Variants in PLEKHH1 observed in about 807,000 individuals in gnomAD.
The protein encoded by PLEKHH1 is pleckstrin homology domain-containing family H member 1.
A neutral mutation model predicts 160.0 loss-of-function variants in PLEKHH1; 104 were observed. The observed-to-expected ratio is 0.65, with a 90% CI of 0.55 to 0.76. PLEKHH1 has a LOEUF of 0.76. PLEKHH1 is among the 30% of genes least tolerant of loss of function. The pLI, the probability that PLEKHH1 is intolerant of heterozygous loss-of-function variation, is 0.00. For missense variants in PLEKHH1, 1,427 were observed against 1,724.1 expected (o/e 0.83, Z 3.05); for synonymous variants, 619 against 678.4 (o/e 0.91, Z 1.36).
At chr14:67,533,539 AGCG>A (rs2033554999) in intron 1 of PLEKHH1, 141 bp downstream of exon 1, 2 of 151,202 alleles carry the variant, frequency 1.3e-5, no homozygotes, top group African/African-American at 4.9e-5. Flanking sequence ...GCGAGCTCCC[AGCG>A]GCGGGGAGCG....
intron 8 of PLEKHH1, 181 bp from the exon 9 acceptor site, chr14:67,569,740 T>C (rs965908451): frequency 2.1e-5 from 13 of 608,080 alleles, no homozygotes; most frequent in Non-Finnish European, 3.5e-5. Flanking sequence ...CTTTACCACA[T>C]GGAGATCATG....
rs764431955 is a variant in PLEKHH1, at chr14:67,561,994, G to T, written c.464G>T (p.Arg155Leu). ...CAGCATCTGAAAAGCCATAATCAGC[G>T]CCTGGTGGAGCAGGTGGGATCCCTT... The part of the protein sequence containing the change: ...ENQHLKSHNQ[R>L]LVEQVGSLQD... Residue 155 changes from arginine to leucine, a missense_variant, in exon 6 of 29, where the codon CGC (arginine) becomes CTC (leucine). Around this residue, in one of 6 missense-constraint regions of PLEKHH1, gnomAD observed 831 missense variants for 929.2 expected, o/e 0.89. Transcript: ENST00000329153. The T allele has an allele frequency of 6.2e-7, 1 of 1,613,832 alleles. No individual in the cohort carries two copies.
At chr14:67,536,342 TTCTC>T (rs771426764) in intron 1 of PLEKHH1, among the ~76,000 whole-genome samples, 6 of 151,854 alleles carry the variant, frequency 4.0e-5, no homozygotes, top group Non-Finnish European at 8.8e-5. Context: ...ACAAAGCTGT[TTCTC>T]TCCCACAATT....
intron 2 of PLEKHH1, among the ~76,000 whole-genome samples, chr14:67,555,186 G>A (rs907735615): frequency 9.9e-5 from 15 of 152,212 alleles, no homozygotes; most frequent in African/African-American, 2.4e-5. Flanking sequence ...CCAAAGTGCT[G>A]GGATTACAGG....
chr14:67,562,169 G>T lies in PLEKHH1; in HGVS notation c.538G>T (p.Val180Leu), dbSNP rs2034868969. ...GATAGCTCCTTCACGGAAGCTGCTG[G>T]TGCCCCCCTACGGAGCTGCAGAGCA... ...IQIAPSRKLL[V>L]PPYGAAEQDS... is the part of the protein sequence containing the mutation. Residue 180 changes from valine to leucine, a missense_variant, in exon 7 of 29, where the codon GTG becomes TTG. Transcript: ENST00000329153. 1.2e-6 allele frequency: 2 copies of T among 1,611,212 alleles called. No homozygotes were observed. Among genetic ancestry groups the T allele is most frequent in the Non-Finnish European group, 1.7e-6 (2 of 1,178,416 alleles).
intron 1 of PLEKHH1, among the ~76,000 whole-genome samples, chr14:67,540,219 A>G (rs755351602): frequency 3.3e-5 from 5 of 152,214 alleles, no homozygotes; most frequent in Non-Finnish European, 7.3e-5. Flanking sequence ...TACTAATCCT[A>G]TTTCGTATAT....
chr14:67,547,848 A>C (rs1236828886), intron 2 of PLEKHH1, among the ~76,000 whole-genome samples: 1 of 152,230 alleles, frequency 6.6e-6, no homozygotes, highest in Non-Finnish European at 1.5e-5. Flanking sequence ...AGAAACATCA[A>C]GGCTCTTAGA....
intron 21 of PLEKHH1, 145 bp downstream of exon 21, chr14:67,579,456 C>A: frequency 1.4e-6 from 1 of 730,158 alleles, no homozygotes; most frequent in Non-Finnish European, 2.2e-6. Flanking sequence ...AACAGGGAAG[C>A]TGAGATGCTG....
At chr14:67,580,194 G>A (rs1161346787) in intron 22 of PLEKHH1, 7 of 258,400 alleles carry the variant, frequency 2.7e-5, no homozygotes, top group East Asian at 9.7e-5. Context: ...CTGCCTACAC[G>A]TGCCCACTCA....
rs139165589 is a variant in PLEKHH1 at position 67,549,679 on chromosome 14, T to C, written c.127-6146T>C. On this transcript the variant is annotated intron_variant, in intron 2 of 28. Coordinates refer to ENST00000329153, the MANE Select transcript of PLEKHH1 (RefSeq NM_020715.3). ...TGAGTTCTGTAGTGCTCGTGAACCA[T>C]TTGAGAAGGGGTGCTGATGGGGCTA... is the stretch of plus-strand genomic sequence containing the variant. Among the ~76,000 whole-genome samples the C allele has an allele frequency of 2.2e-4, 34 of 152,224 alleles. 1 individual carries two copies. The East Asian group carries it at 6.6e-3, about 29-fold the overall frequency.
chr14:67,572,783 A>G (rs1220153796), intron 11 of PLEKHH1, among the ~76,000 whole-genome samples: 1 of 151,934 alleles, frequency 6.6e-6, no homozygotes, highest in Non-Finnish European at 1.5e-5. Flanking sequence ...CCCTCGCCCC[A>G]CACCTCTCTG....
At chr14:67,580,879 C>T (rs893311702) in intron 22 of PLEKHH1, 59 bp from the exon 23 acceptor site, 5 of 1,126,460 alleles carry the variant, frequency 4.4e-6, no homozygotes, top group Non-Finnish European at 5.4e-6. Context: ...CTGGCTGGAC[C>T]TTGATCCCTT....
chr14:67,545,343 T>C (rs1441983564), intron 2 of PLEKHH1, among the ~76,000 whole-genome samples: 1 of 152,176 alleles, frequency 6.6e-6, no homozygotes, highest in South Asian at 2.1e-4. Context: ...TGCGCTCAGC[T>C]AAAAGTTGGG....
chr14:67,546,878 A>G (rs531678492), intron 2 of PLEKHH1, among the ~76,000 whole-genome samples: 1 of 151,848 alleles, frequency 6.6e-6, no homozygotes, highest in Non-Finnish European at 1.5e-5. Flanking sequence ...ATATATATAT[A>G]TTTTTTCTCT....
At chr14:67,571,923 G>A (rs757371059) in intron 10 of PLEKHH1, 21 bp downstream of exon 10, 2 of 1,593,050 alleles carry the variant, frequency 1.3e-6, no homozygotes, top group South Asian at 2.3e-5. Flanking sequence ...GGGGAGCAGG[G>A]GCAGGGTGCA....
chr14:67,574,335 C>A lies in PLEKHH1; in HGVS notation c.2020C>A (p.Gln674Lys). The change falls in exon 14 of 29, where the codon CAG (glutamine) becomes AAG (lysine). Residue 674 changes from glutamine (Q) to lysine (K), a missense_variant. Around this residue, in one of 6 missense-constraint regions of PLEKHH1, gnomAD observed 831 missense variants for 929.2 expected, o/e 0.89. Transcript: ENST00000329153. This position sits in a 1 kb window ranked among gnomAD's most constrained non-coding sequence, Gnocchi z 4.2. Reference protein sequence around the residue: ...IRVLQSLLKVQATGPPALLRG... With the variant: ...IRVLQSLLKVKATGPPALLRG... ...AGTACTCCAGAGCCTGCTGAAGGTG[C>A]AGGCCACCGGGCCTCCAGCTCTGCT... The A allele has an allele frequency of 6.2e-7, 1 of 1,601,300 alleles. No individual in the cohort carries two copies. Among genetic ancestry groups the A allele is most frequent in the Non-Finnish European group, 8.5e-7 (1 of 1,174,102 alleles).
At chr14:67,564,499 C>T (rs1796064621) in intron 7 of PLEKHH1, among the ~76,000 whole-genome samples, 1 of 152,046 alleles carries the variant, frequency 6.6e-6, no homozygotes, top group African/African-American at 2.4e-5. Flanking sequence ...ACTCTGTCGC[C>T]CAGGCTGGAG....
At chr14:67,553,376 T>TAA (rs917191571) in intron 2 of PLEKHH1, among the ~76,000 whole-genome samples, 1 of 149,012 alleles carries the variant, frequency 6.7e-6, no homozygotes, top group Admixed American at 6.7e-5. Context: ...TCTGTGTGGG[T>TAA]AAAAAAAAAA....
chr14:67,569,792 G>T, intron 8 of PLEKHH1, 129 bp from the exon 9 acceptor site: 1 of 678,462 alleles, frequency 1.5e-6, no homozygotes. Flanking sequence ...ACAGGGCCCT[G>T]GCCCCCCTCT....
Sources: gnomAD v4.1 joint callset for allele counts (sites outside exome capture counted in the v4.1 genomes callset) on GRCh38, gnomAD v4.1.1 for gene constraint, gnomAD v4.1.1 regional missense constraint, Gnocchi (gnomAD v3.1) non-coding constraint, MANE v1.5 for transcripts, NCBI Gene and HGNC (gene_info 2026-07-23, HGNC 2026-07-21) for gene names.